The following MIB1 variants were observed in gnomAD, a reference collection of about 807,000 sequenced individuals.
MIB1 encodes MIB E3 ubiquitin protein ligase 1, also known as E3 ubiquitin-protein ligase MIB1.
MIB1 carries 278 observed loss-of-function variants against 124.5 expected under a neutral mutation model. The observed-to-expected ratio is 2.23, with a 90% CI of 2.02 to 2.47. The LOEUF is 2.47. Ranked by LOEUF, MIB1 falls within the 30% of genes most tolerant of loss-of-function variation. The probability of loss-of-function intolerance (pLI) is 0.00; values close to 1 mark genes in which losing one functional copy is unlikely to be tolerated. For synonymous variants in MIB1, 446 were observed against 429.4 expected, an observed-to-expected ratio of 1.04 and a Z score of -0.48; for missense variants, 957 against 1,254.4, an observed-to-expected ratio of 0.76 and a Z score of 3.58.
chr18:21,795,572 T>C (rs540784695), intron 7 of MIB1, among the ~76,000 whole-genome samples: 1 of 151,546 alleles, frequency 6.6e-6, no homozygotes, highest in African/African-American at 2.4e-5. Context: ...TCTTGTTTTA[T>C]AGATTTGATT....
At chr18:21,830,953 G>A (rs1405532962) in intron 12 of MIB1, among the ~76,000 whole-genome samples, 2 of 151,968 alleles carry the variant, frequency 1.3e-5, no homozygotes, top group Admixed American at 6.6e-5. Flanking sequence ...GATTTGGAAT[G>A]TCATATAACA....
rs35904303 is a variant in MIB1 at position 21,805,900 on chromosome 18, C to CTTTTTTTTTT, written c.1479+1898_1479+1907dup. On this transcript the variant is annotated intron_variant, in intron 10 of 20. Coordinates refer to ENST00000261537, the MANE Select transcript of MIB1 (RefSeq NM_020774.4). The stretch of plus-strand genomic sequence containing the variant: ...TTTCAAGAGTAATTTTCTTTCTTTC[C>CTTTTTTTTTT]TTTTTTTTTTTTTTTTTTTTTGAGA... Among the ~76,000 whole-genome samples, 4 of 105,112 alleles carry CTTTTTTTTTT rather than the reference C, an allele frequency of 3.8e-5. 1 individual carries two copies. Among genetic ancestry groups the CTTTTTTTTTT allele is most frequent in the South Asian group, 6.5e-4 (2 of 3,056 alleles). The allele number at this position is 105,112 out of a possible 152,430, so 69.0% of individuals were successfully genotyped here.
At chr18:21,737,016 A>C (rs1468798406), upstream of MIB1, among the ~76,000 whole-genome samples, 1 of 152,184 alleles carries the variant, frequency 6.6e-6, no homozygotes, top group African/African-American at 2.4e-5. Flanking sequence ...AATACAGAGA[A>C]CACCACAAAG....
At chr18:21,717,325 A>G (rs2040693894) in intron 1 of MIB1, among the ~76,000 whole-genome samples, 1 of 152,232 alleles carries the variant, frequency 6.6e-6, no homozygotes, top group South Asian at 2.1e-4. Flanking sequence ...CCTTCTAGGC[A>G]TTGGCTTAGG....
intron 1 of MIB1, among the ~76,000 whole-genome samples, chr18:21,749,345 A>G (rs543583167): frequency 6.6e-6 from 1 of 152,284 alleles, no homozygotes; most frequent in Non-Finnish European, 1.5e-5. Context: ...TGGTCGGTAC[A>G]TAGTATTTAA....
Position 21,765,879 on chromosome 18 carries a change from TA to T in MIB1, c.338del (p.Tyr113PhefsTer8). On this transcript the variant is annotated frameshift_variant, in exon 2 of 21. Coordinates refer to ENST00000261537, the MANE Select transcript of MIB1 (RefSeq NM_020774.4). LOFTEE classifies it high-confidence loss of function. ...CTNYDLCTVC[Y>X]HGDKHHLRHR... is the part of the protein sequence containing the mutation. Reference sequence around the variant, plus strand: ...AAATTATGATTTGTGCACAGTGTGTTATCATGGAGATAAACATCATTTAAGA... The same window carrying T: ...AAATTATGATTTGTGCACAGTGTGTTTCATGGAGATAAACATCATTTAAGA... 1 of 1,614,144 alleles carries T rather than the reference TA, an allele frequency of 6.2e-7. No homozygotes were observed. The highest frequency in any genetic ancestry group is 8.5e-7 in the Non-Finnish European group (1 of 1,179,978).
In MIB1 at chr18:21,810,069, A is replaced by G. The variant is rs61645681; in HGVS notation, c.1480-5547A>G. 8.8e-3 allele frequency among the ~76,000 whole-genome samples: 1,339 copies of G among 152,288 alleles called. 22 individuals are homozygous for G. Among genetic ancestry groups the G allele is most frequent in the African/African-American group, 0.03 (1,251 of 41,584 alleles). On this transcript the variant is annotated intron_variant, in intron 10 of 20. Transcript: ENST00000261537. ...ACAGAAATCAGTTGTATGTCTATAC[A>G]TTAACAATGAACAGTCTGTTAATTG...
At chr18:21,776,223 C>T (rs540727916) in intron 4 of MIB1, among the ~76,000 whole-genome samples, 4 of 150,772 alleles carry the variant, frequency 2.7e-5, no homozygotes, top group Non-Finnish European at 5.9e-5. Context: ...TGCAGTGAGC[C>T]GTGATCGTGC....
chr18:21,784,731 A>T (rs1356064250), intron 6 of MIB1, among the ~76,000 whole-genome samples: 2 of 152,126 alleles, frequency 1.3e-5, no homozygotes, highest in Non-Finnish European at 2.9e-5. Flanking sequence ...TCACGCCCAG[A>T]CAGGGCCACT....
rs1369348906 is a variant in MIB1, at chr18:21,799,851, A to C, written c.1248A>C (p.Ser416=). ...AISNASGERL[S]QLLKKLFETQ... ...TTTGATGCTTTACAGAAAGACTCTC[A>C]CAACTCCTGAAGAAATTATTTGAAA... The change falls in exon 9 of 21, where the codon TCA becomes TCC. Residue 416 remains serine (S), a synonymous_variant. Transcript: ENST00000261537. 1.9e-6 allele frequency: 3 copies of C among 1,610,264 alleles called. No homozygotes were observed. The highest frequency in any genetic ancestry group is 2.5e-6 in the Non-Finnish European group (3 of 1,177,516).
intron 1 of MIB1, among the ~76,000 whole-genome samples, chr18:21,714,558 T>C (rs972857454): frequency 2.6e-5 from 4 of 152,186 alleles, no homozygotes; most frequent in Admixed American, 6.5e-5. Context: ...TGTTGGCCTT[T>C]CGGTGCACTA....
chr18:21,846,289 C>T (rs975360501), intron 15 of MIB1, among the ~76,000 whole-genome samples: 6 of 152,000 alleles, frequency 3.9e-5, no homozygotes, highest in South Asian at 2.1e-4. Flanking sequence ...CTTTTTTTCT[C>T]ATTTTAAAAT....
At chr18:21,823,084 A>G (rs2041893290) in intron 12 of MIB1, among the ~76,000 whole-genome samples, 1 of 152,036 alleles carries the variant, frequency 6.6e-6, no homozygotes, top group African/African-American at 2.4e-5. Context: ...AAATACAAAA[A>G]TCAGCTGGGT....
intron 1 of MIB1, among the ~76,000 whole-genome samples, chr18:21,731,459 C>G (rs1269266895): frequency 1.3e-5 from 2 of 152,094 alleles, no homozygotes; most frequent in African/African-American, 2.4e-5. Context: ...GCTGGCCAGG[C>G]GCGGTGGCTC....
At chr18:21,709,160 CA>C (rs372231317) in intron 1 of MIB1, among the ~76,000 whole-genome samples, 4 of 151,650 alleles carry the variant, frequency 2.6e-5, no homozygotes, top group Admixed American at 1.3e-4. Context: ...GCTAAAAATA[CA>C]AAAAAAATTA....
rs1309703869 is a variant in MIB1 at position 21,741,835 on chromosome 18, G to A, written c.229+23G>A. ...CCGGTAAGCCGCGGCCACCTGGCCA[G>A]GGCTTGCGCGCGCGGGGGGAAGGGG... On this transcript the variant is annotated intron_variant, in intron 1 of 20. Transcript: ENST00000261537. The surrounding 1 kb of genome is among the most constrained non-coding windows in gnomAD (Gnocchi z 5.4). 4 of 1,548,798 alleles carry A rather than the reference G, an allele frequency of 2.6e-6. No homozygotes were observed. Among genetic ancestry groups the A allele is most frequent in the African/African-American group, 1.4e-5 (1 of 73,362 alleles).
intron 6 of MIB1, among the ~76,000 whole-genome samples, chr18:21,789,411 G>T (rs936169399): frequency 1.3e-5 from 2 of 151,888 alleles, no homozygotes; most frequent in African/African-American, 2.4e-5. Context: ...TAAAGTCCCT[G>T]TTTACAAATA....
chr18:21,770,932 A>G (rs746918133), intron 3 of MIB1, among the ~76,000 whole-genome samples: 4 of 152,132 alleles, frequency 2.6e-5, no homozygotes, highest in Non-Finnish European at 5.9e-5. Flanking sequence ...TGTATTTCCT[A>G]TAAATTAGTT....
intron 12 of MIB1, chr18:21,828,715 T>C (rs2041949977): frequency 1.0e-5 from 2 of 193,314 alleles, no homozygotes; most frequent in Non-Finnish European, 2.1e-5. Flanking sequence ...ATTTTAATAA[T>C]GAGAGTGCCT....
Sources: allele counts gnomAD v4.1 joint callset (sites outside exome capture counted in the v4.1 genomes callset), GRCh38; gene constraint gnomAD v4.1.1; non-coding constraint Gnocchi (gnomAD v3.1); transcripts MANE v1.5; gene names NCBI Gene and HGNC (gene_info 2026-07-23, HGNC 2026-07-21).